The following ANO10 variants were observed in gnomAD, a reference collection of about 807,000 sequenced individuals.
The protein encoded by ANO10 is anoctamin 10, also known as anoctamin-10.
A neutral mutation model predicts 74.7 loss-of-function variants in ANO10; 77 were observed. The ratio of observed to expected loss-of-function variants is 1.03; its 90% CI spans 0.86 to 1.25. The LOEUF is 1.25. Among genes scored for constraint, ANO10 ranks in the 50% most tolerant of loss-of-function variants. The probability of loss-of-function intolerance (pLI) is 0.00; values close to 1 mark genes in which losing one functional copy is unlikely to be tolerated. For synonymous variants in ANO10, 279 were observed against 284.9 expected, an observed-to-expected ratio of 0.98 and a Z score of 0.21; for missense variants, 721 against 778.1, an observed-to-expected ratio of 0.93 and a Z score of 0.87.
intron 1 of ANO10, among the ~76,000 whole-genome samples, chr3:43,615,928 C>T (rs2083079178): frequency 6.6e-6 from 1 of 152,142 alleles, no homozygotes; most frequent in African/African-American, 2.4e-5. Flanking sequence ...GCTGGGATTA[C>T]AGGTGTGAGC....
intron 1 of ANO10, among the ~76,000 whole-genome samples, chr3:43,683,506 G>A (rs371297108): frequency 0.06 from 9,178 of 152,062 alleles, 453 homozygotes; most frequent in South Asian, 0.12. Flanking sequence ...CATACTGCCC[G>A]AGGTAATTTA....
intron 12 of ANO10, among the ~76,000 whole-genome samples, chr3:43,404,758 C>G (rs1398133800): frequency 6.6e-6 from 1 of 151,396 alleles, no homozygotes; most frequent in East Asian, 1.9e-4. Flanking sequence ...GTGGTGTGCA[C>G]CTGTGGTCTC....
chr3:43,410,344 G>C (rs913125387), intron 12 of ANO10, among the ~76,000 whole-genome samples: 2 of 151,960 alleles, frequency 1.3e-5, no homozygotes, highest in East Asian at 1.9e-4. Flanking sequence ...TTGAATTCCC[G>C]GGCTTAAGAG....
At chr3:43,426,915 T>C (rs753773779) in intron 12 of ANO10, among the ~76,000 whole-genome samples, 1 of 152,162 alleles carries the variant, frequency 6.6e-6, no homozygotes, top group Non-Finnish European at 1.5e-5. Context: ...AGCTTCCTAT[T>C]TGTACCAAAA....
At chr3:43,576,633 G>C in intron 6 of ANO10, 59 bp downstream of exon 6, 1 of 1,559,792 alleles carries the variant, frequency 6.4e-7, no homozygotes, top group Non-Finnish European at 8.8e-7. Context: ...TGAATCCCAT[G>C]ATCTAGGCAA....
At chr3:43,680,506 C>T (rs997565022) in intron 1 of ANO10, among the ~76,000 whole-genome samples, 3 of 152,188 alleles carry the variant, frequency 2.0e-5, no homozygotes, top group African/African-American at 4.8e-5. Context: ...GGAAAACACT[C>T]GGCAGGATAT....
intron 11 of ANO10, among the ~76,000 whole-genome samples, chr3:43,452,694 T>G (rs1198327671): frequency 6.6e-6 from 1 of 152,248 alleles, no homozygotes; most frequent in Non-Finnish European, 1.5e-5. Context: ...GGTATATACC[T>G]AGGAGTGGAA....
chr3:43,690,959 C>G (rs774867019), intron 1 of ANO10: 21 of 1,555,418 alleles, frequency 1.4e-5, no homozygotes, highest in Middle Eastern at 3.4e-4. Flanking sequence ...CAGCCGGCTT[C>G]GAGATAAGTC....
At position 43,415,815 on chromosome 3, in the gene ANO10, T is replaced by C. The variant is rs556998173; in HGVS notation, c.1914+16796A>G. 3.0e-4 allele frequency among the ~76,000 whole-genome samples: 46 copies of C among 152,310 alleles called. No individual in the cohort carries two copies. In the South Asian group the frequency reaches 8.7e-3, roughly 29 times the overall value. ...CCTCGGCCTCCCAAAGTGCTGGGAT[T>C]ACAGGCATGAGCCACCATGCCTAGC... is the stretch of plus-strand genomic sequence containing the variant. On this transcript the variant is annotated intron_variant, in intron 12 of 12. Coordinates refer to ENST00000292246, the MANE Select transcript of ANO10 (RefSeq NM_018075.5).
intron 10 of ANO10, among the ~76,000 whole-genome samples, chr3:43,553,319 A>G (rs1344714014): frequency 6.6e-6 from 1 of 151,960 alleles, no homozygotes; most frequent in Non-Finnish European, 1.5e-5. Context: ...GGGGTTCACA[A>G]TGCTTCTTGA....
intron 8 of ANO10, among the ~76,000 whole-genome samples, chr3:43,562,451 C>CAAA (rs1559703836): frequency 1.0e-4 from 1 of 9,974 alleles, no homozygotes; most frequent in Non-Finnish European, 1.7e-4. Context: ...GGCTCTGTCT[C>CAAA]AAACAAAAAA....
Position 43,447,164 on chromosome 3 carries a change from A to G in ANO10, c.1798-14437T>C, listed in dbSNP as rs542911415. On this transcript the variant is annotated intron_variant, in intron 11 of 12. Coordinates refer to ENST00000292246, the MANE Select transcript of ANO10 (RefSeq NM_018075.5). ...GTTATTAGTAAGGGTGCTGCAATAA[A>G]TTTCCTCCAACATTTGTCATTTTGT... Among the ~76,000 whole-genome samples the G allele has an allele frequency of 1.1e-4, 16 of 152,262 alleles. No homozygotes were observed. In the East Asian group the frequency reaches 2.7e-3, roughly 26 times the overall value.
At chr3:43,445,181 A>AT (rs1419535932) in intron 11 of ANO10, among the ~76,000 whole-genome samples, 3 of 151,532 alleles carry the variant, frequency 2.0e-5, no homozygotes, top group African/African-American at 4.8e-5. Flanking sequence ...TTCTAATACC[A>AT]TTGTCCAAAA....
At chr3:43,507,880 A>G (rs1017430079) in intron 11 of ANO10, among the ~76,000 whole-genome samples, 1 of 152,178 alleles carries the variant, frequency 6.6e-6, no homozygotes, top group Non-Finnish European at 1.5e-5. Context: ...AGCATAAACA[A>G]TTGCCAACAA....
At chr3:43,397,241 T>C (rs2092399680) in intron 12 of ANO10, among the ~76,000 whole-genome samples, 1 of 152,188 alleles carries the variant, frequency 6.6e-6, no homozygotes, top group African/African-American at 2.4e-5. Context: ...GTAGTTTTTA[T>C]CTTTAGAAGT....
chr3:43,402,275 G>T (rs1168055257), intron 12 of ANO10, among the ~76,000 whole-genome samples: 3 of 152,188 alleles, frequency 2.0e-5, no homozygotes, highest in Non-Finnish European at 2.9e-5. Flanking sequence ...GCTCCTTTAA[G>T]AAGTGGACAT....
chr3:43,458,220 G>C (rs1277173279), intron 11 of ANO10, among the ~76,000 whole-genome samples: 3 of 152,034 alleles, frequency 2.0e-5, no homozygotes, highest in African/African-American at 7.2e-5. Flanking sequence ...GCTGACCCCG[G>C]AGTCCTAGTC....
At chr3:43,442,310 A>G (rs922257142) in intron 11 of ANO10, among the ~76,000 whole-genome samples, 19 of 152,132 alleles carry the variant, frequency 1.2e-4, no homozygotes, top group African/African-American at 4.1e-4. Context: ...ACCCATTAGA[A>G]CTAATAAATG....
chr3:43,490,968 A>G (rs932217537), intron 11 of ANO10, among the ~76,000 whole-genome samples: 9 of 152,046 alleles, frequency 5.9e-5, no homozygotes, highest in Admixed American at 5.2e-4. Flanking sequence ...ATAAGATCTC[A>G]GGAGTTGGAC....
Sources: gnomAD v4.1 joint callset for allele counts (sites outside exome capture counted in the v4.1 genomes callset) on GRCh38, gnomAD v4.1.1 for gene constraint, MANE v1.5 for transcripts, NCBI Gene and HGNC (gene_info 2026-07-23, HGNC 2026-07-21) for gene names.